Variants in GASK1A observed in about 807,000 individuals in gnomAD.
GASK1A encodes Golgi-associated kinase 1A.
GASK1A carries 40 observed loss-of-function variants against 41.2 expected under a neutral mutation model. The ratio of observed to expected loss-of-function variants is 0.97; its 90% confidence interval spans 0.75 to 1.27. The LOEUF (loss-of-function observed/expected upper bound fraction) is 1.27. Ranked by LOEUF, GASK1A falls within the 50% of genes most tolerant of loss-of-function variation. The probability of loss-of-function intolerance (pLI) is 0.00; values close to 1 mark genes in which losing one functional copy is unlikely to be tolerated. For synonymous variants in GASK1A, 316 were observed against 307.1 expected, an observed-to-expected ratio of 1.03 and a Z score of -0.30; for missense variants, 678 against 745.1, an observed-to-expected ratio of 0.91 and a Z score of 1.05.
At chr3:43,007,383 C>T (rs1158805223) in intron 1 of GASK1A, among the ~76,000 whole-genome samples, 1 of 152,216 alleles carries the variant, frequency 6.6e-6, no homozygotes, top group Admixed American at 6.5e-5. Flanking sequence ...AGCTTTCTCT[C>T]TCCATAGAAC....
intron 2 of GASK1A, among the ~76,000 whole-genome samples, chr3:43,040,679 T>C (rs2089631725): frequency 6.6e-6 from 1 of 152,124 alleles, no homozygotes; most frequent in Admixed American, 6.5e-5. Flanking sequence ...TCCTTGGTAT[T>C]TTATCTTCTT....
At chr3:43,046,720 T>A (rs1267856450) in intron 2 of GASK1A, among the ~76,000 whole-genome samples, 7 of 152,160 alleles carry the variant, frequency 4.6e-5, no homozygotes, top group Non-Finnish European at 7.3e-5. Context: ...ATGGCAACCA[T>A]CTCATCACAG....
At chr3:42,986,235 C>T (rs1373093581) in intron 1 of GASK1A, among the ~76,000 whole-genome samples, 1 of 152,180 alleles carries the variant, frequency 6.6e-6, no homozygotes, top group Non-Finnish European at 1.5e-5. Context: ...GGGTTACATA[C>T]TGTGGTATTC....
intron 1 of GASK1A, among the ~76,000 whole-genome samples, chr3:43,003,050 T>C (rs1413218766): frequency 1.3e-5 from 2 of 152,226 alleles, no homozygotes; most frequent in Non-Finnish European, 2.9e-5. Flanking sequence ...ATTTCTGCAG[T>C]GAATCTTTAG....
chr3:42,998,161 T>G (rs1436553281), intron 1 of GASK1A, among the ~76,000 whole-genome samples: 1 of 152,102 alleles, frequency 6.6e-6, no homozygotes, highest in East Asian at 1.9e-4. Flanking sequence ...TGTGATGAGT[T>G]CCAACACTGC....
chr3:43,005,222 G>A (rs2089430308), intron 1 of GASK1A, among the ~76,000 whole-genome samples: 1 of 152,116 alleles, frequency 6.6e-6, no homozygotes, highest in Admixed American at 6.5e-5. Flanking sequence ...AACCACATAA[G>A]GTAACTTGTT....
chr3:42,985,251 A>G (rs6798520), intron 1 of GASK1A, among the ~76,000 whole-genome samples: 27,775 of 152,094 alleles, frequency 0.18, 2,667 homozygotes, highest in African/African-American at 0.21. Flanking sequence ...AGGCCTTCAC[A>G]AGTTCTGAAG....
At chr3:43,011,224 A>G (rs1377967775) in intron 1 of GASK1A, among the ~76,000 whole-genome samples, 7 of 152,046 alleles carry the variant, frequency 4.6e-5, no homozygotes. Flanking sequence ...TCTACTAAAA[A>G]TATAAAAATT....
chr3:43,026,121 G>C (rs1179733179), intron 1 of GASK1A, among the ~76,000 whole-genome samples: 1 of 152,204 alleles, frequency 6.6e-6, no homozygotes, highest in Admixed American at 6.5e-5. Context: ...GTCTGCAAAA[G>C]AGGGTGTGGA....
chr3:43,026,052 A>G (rs1021331125), intron 1 of GASK1A, among the ~76,000 whole-genome samples: 5 of 152,218 alleles, frequency 3.3e-5, no homozygotes, highest in Admixed American at 6.5e-5. Context: ...GAAAGCACCA[A>G]TGAAATATGC....
intron 1 of GASK1A, among the ~76,000 whole-genome samples, chr3:43,006,352 A>G (rs1443843400): frequency 6.6e-6 from 1 of 152,120 alleles, no homozygotes; most frequent in Non-Finnish European, 1.5e-5. Flanking sequence ...TAGTGGAGTA[A>G]TTTAACCAAT....
At chr3:42,989,308 G>T (rs563143300) in intron 1 of GASK1A, among the ~76,000 whole-genome samples, 1 of 152,238 alleles carries the variant, frequency 6.6e-6, no homozygotes, top group African/African-American at 2.4e-5. Context: ...TTTGCTTTCT[G>T]TCTCCAGGTC....
intron 2 of GASK1A, among the ~76,000 whole-genome samples, chr3:43,051,066 C>CTT (rs1190643528): frequency 1.3e-5 from 2 of 152,038 alleles, no homozygotes; most frequent in East Asian, 1.9e-4. Flanking sequence ...TACTTTGTTT[C>CTT]TTTGACTGTC....
At chr3:43,021,682 C>T (rs567682650) in intron 1 of GASK1A, among the ~76,000 whole-genome samples, 2 of 152,180 alleles carry the variant, frequency 1.3e-5, no homozygotes, top group Admixed American at 6.5e-5. Flanking sequence ...ATCTCTTTCT[C>T]CCCATTTTAT....
At chr3:42,990,943 G>A (rs1335666452) in intron 1 of GASK1A, among the ~76,000 whole-genome samples, 1 of 152,138 alleles carries the variant, frequency 6.6e-6, no homozygotes, top group African/African-American at 2.4e-5. Flanking sequence ...GGAACTATGG[G>A]CATGTATGCA....
intron 1 of GASK1A, among the ~76,000 whole-genome samples, chr3:42,993,568 A>C (rs1299303414): frequency 6.6e-6 from 1 of 152,178 alleles, no homozygotes; most frequent in Non-Finnish European, 1.5e-5. Flanking sequence ...CTTGAGAAGG[A>C]TCTTCAGCTT....
intron 1 of GASK1A, among the ~76,000 whole-genome samples, chr3:43,019,592 C>A (rs1295446049): frequency 6.6e-6 from 1 of 152,140 alleles, no homozygotes; most frequent in Admixed American, 6.5e-5. Context: ...AGAAATGGAA[C>A]AGAAACTCCA....
Position 43,032,983 on chromosome 3 carries a change from A to G in GASK1A, c.720A>G (p.Val240=). ...PGSVEKLQGS[V]WCDAETLLSS... ...CTGTTGAGAAGCTGCAAGGGTCAGT[A>G]TGGTGTGATGCTGAGACGCTGTTGA... Residue 240 remains valine, a synonymous_variant, in exon 2 of 5, where the codon GTA becomes GTG. Transcript: ENST00000430121. The G allele has an allele frequency of 1.9e-6, 3 of 1,551,650 alleles. No homozygotes were observed. Among genetic ancestry groups the G allele is most frequent in the Non-Finnish European group, 1.7e-6 (2 of 1,146,942 alleles).
intron 2 of GASK1A, among the ~76,000 whole-genome samples, chr3:43,048,577 G>A (rs1485683505): frequency 6.6e-6 from 1 of 152,250 alleles, no homozygotes; most frequent in Non-Finnish European, 1.5e-5. Flanking sequence ...GCTGAACCCA[G>A]ATGAGGGCCC....
Sources: allele counts gnomAD v4.1 joint callset (sites outside exome capture counted in the v4.1 genomes callset), GRCh38; gene constraint gnomAD v4.1.1; transcripts MANE v1.5; gene names NCBI Gene and HGNC (gene_info 2026-07-23, HGNC 2026-07-21).